The following GABRB1 variants were observed in gnomAD, a reference collection of about 807,000 sequenced individuals.
The protein encoded by GABRB1 is gamma-aminobutyric acid type A receptor subunit beta1.
In GABRB1, 17 loss-of-function variants were observed where a neutral mutation model predicts 51.6. The observed-to-expected ratio is 0.33, with a 90% CI of 0.23 to 0.49. The LOEUF is 0.49. GABRB1 is among the 20% of genes least tolerant of loss of function. The probability of loss-of-function intolerance (pLI) is 0.99; values close to 1 mark genes in which losing one functional copy is unlikely to be tolerated. For missense variants in GABRB1, 410 were observed against 600.6 expected (o/e 0.68, Z 3.32); for synonymous variants, 247 against 218.9 (o/e 1.13, Z -1.14).
At chr4:47,136,248 T>G (rs1716643026) in intron 3 of GABRB1, among the ~76,000 whole-genome samples, 2 of 152,162 alleles carry the variant, frequency 1.3e-5, no homozygotes, top group Admixed American at 1.3e-4. Flanking sequence ...GACCTCTGTC[T>G]TCGAGAGTGC....
At chr4:47,205,649 CTATAATCTGTTACAAAGGG>C (rs1360781201) in intron 4 of GABRB1, among the ~76,000 whole-genome samples, 1 of 152,090 alleles carries the variant, frequency 6.6e-6, no homozygotes, top group Non-Finnish European at 1.5e-5. Flanking sequence ...AGTTCAACAG[CTATAATCTGTTACAAAGGG>C]TAATATTTTG....
intron 3 of GABRB1, among the ~76,000 whole-genome samples, chr4:47,050,552 A>C (rs1476863037): frequency 2.0e-5 from 3 of 152,212 alleles, no homozygotes; most frequent in Non-Finnish European, 4.4e-5. Flanking sequence ...TGAAGGAAGC[A>C]AAGAATAATT....
At chr4:47,379,864 G>T (rs1308028396) in intron 5 of GABRB1, among the ~76,000 whole-genome samples, 2 of 152,184 alleles carry the variant, frequency 1.3e-5, no homozygotes, top group South Asian at 4.1e-4. Flanking sequence ...AACAAGGCTT[G>T]TGACCATGTC....
At chr4:47,155,553 A>G (rs1026890639) in intron 3 of GABRB1, among the ~76,000 whole-genome samples, 1 of 151,970 alleles carries the variant, frequency 6.6e-6, no homozygotes, top group Non-Finnish European at 1.5e-5. Context: ...CTTTCCTAAC[A>G]TAGTCTGAGA....
intron 4 of GABRB1, among the ~76,000 whole-genome samples, chr4:47,248,445 A>G (rs2351301): frequency 0.62 from 94,888 of 151,824 alleles, 30,297 homozygotes; most frequent in South Asian, 0.82. Context: ...GGATTTTAGC[A>G]TCTATGTTCA....
intron 4 of GABRB1, among the ~76,000 whole-genome samples, chr4:47,245,830 T>TC (rs1721716502): frequency 6.7e-6 from 1 of 150,350 alleles, no homozygotes; most frequent in South Asian, 2.1e-4. Context: ...TTTCTTTCTT[T>TC]TTTTTTTTTT....
intron 4 of GABRB1, among the ~76,000 whole-genome samples, chr4:47,288,143 T>C (rs1261621493): frequency 6.6e-6 from 1 of 152,154 alleles, no homozygotes; most frequent in Non-Finnish European, 1.5e-5. Flanking sequence ...AATCAGCATA[T>C]ACTCATCTAG....
intron 5 of GABRB1, among the ~76,000 whole-genome samples, chr4:47,365,422 T>A (rs1400752556): frequency 6.6e-6 from 1 of 152,224 alleles, no homozygotes; most frequent in African/African-American, 2.4e-5. Context: ...TTTTTCAGGA[T>A]AATTTTCATT....
At chr4:47,049,783 A>G (rs1201800430) in intron 3 of GABRB1, among the ~76,000 whole-genome samples, 1 of 152,232 alleles carries the variant, frequency 6.6e-6, no homozygotes, top group Non-Finnish European at 1.5e-5. Flanking sequence ...ATATTTATAA[A>G]GTAGAAGACA....
intron 4 of GABRB1, among the ~76,000 whole-genome samples, chr4:47,227,219 A>C (rs1720974579): frequency 6.6e-6 from 1 of 152,152 alleles, no homozygotes; most frequent in African/African-American, 2.4e-5. Flanking sequence ...TGCAATATTC[A>C]TTCATTTTTT....
intron 3 of GABRB1, among the ~76,000 whole-genome samples, chr4:47,073,912 A>G (rs1312508501): frequency 6.6e-6 from 1 of 152,206 alleles, no homozygotes; most frequent in Non-Finnish European, 1.5e-5. Flanking sequence ...ACAGAATGTC[A>G]TGCGATAAGA....
intron 4 of GABRB1, among the ~76,000 whole-genome samples, chr4:47,164,746 G>A (rs919208337): frequency 2.6e-5 from 4 of 152,074 alleles, no homozygotes; most frequent in Admixed American, 6.6e-5. Context: ...GTCTATTTTT[G>A]TGAACTATGT....
At position 47,375,492 on chromosome 4, in the gene GABRB1, C is replaced by T. The variant is rs529437090; in HGVS notation, c.545-27826C>T. 8.1e-4 allele frequency among the ~76,000 whole-genome samples: 124 copies of T among 152,284 alleles called. 4 individuals are homozygous for T. The highest frequency in any genetic ancestry group is 2.6e-3 in the African/African-American group (110 of 41,564). ...CACATACCCTAACTTTAATGACTTA[C>T]CCCAATAAAAGCTCCAGTCCTGTTT... On this transcript the variant is annotated intron_variant, in intron 5 of 8. Coordinates refer to ENST00000295454, the MANE Select transcript of GABRB1 (RefSeq NM_000812.4).
At chr4:47,370,730 G>T (rs1727159471) in intron 5 of GABRB1, among the ~76,000 whole-genome samples, 1 of 152,122 alleles carries the variant, frequency 6.6e-6, no homozygotes, top group African/African-American at 2.4e-5. Flanking sequence ...CCAACCAGGT[G>T]CTTGTCTTTT....
intron 8 of GABRB1, among the ~76,000 whole-genome samples, chr4:47,410,457 TC>T (rs1728724423): frequency 6.6e-6 from 1 of 152,136 alleles, no homozygotes; most frequent in East Asian, 1.9e-4. Flanking sequence ...ATGCAGCTTT[TC>T]CCCTGAAGCC....
intron 1 of GABRB1, among the ~76,000 whole-genome samples, chr4:47,025,211 G>A (rs557585775): frequency 6.6e-6 from 1 of 151,476 alleles, no homozygotes; most frequent in East Asian, 1.9e-4. Context: ...AAACATGCGT[G>A]TGCAAGTATC....
intron 3 of GABRB1, among the ~76,000 whole-genome samples, chr4:47,085,884 C>A (rs1336901891): frequency 6.6e-6 from 1 of 152,192 alleles, no homozygotes; most frequent in Non-Finnish European, 1.5e-5. Context: ...CCCAAGAGGG[C>A]AAGACCAGAA....
intron 5 of GABRB1, among the ~76,000 whole-genome samples, chr4:47,398,139 T>C (rs1728242164): frequency 6.6e-6 from 1 of 152,200 alleles, no homozygotes; most frequent in South Asian, 2.1e-4. Context: ...GATAATTTTG[T>C]CTCTATTTTT....
chr4:47,314,343 TTAAC>T (rs1724809293), intron 4 of GABRB1, among the ~76,000 whole-genome samples: 2 of 152,060 alleles, frequency 1.3e-5, no homozygotes, highest in Non-Finnish European at 2.9e-5. Flanking sequence ...ACATGAGACA[TTAAC>T]TAGTTATTTT....
Sources: allele counts gnomAD v4.1 joint callset (sites outside exome capture counted in the v4.1 genomes callset), GRCh38; gene constraint gnomAD v4.1.1; transcripts MANE v1.5; gene names NCBI Gene and HGNC (gene_info 2026-07-23, HGNC 2026-07-21).